Variants in ALPK2 observed in about 807,000 individuals in gnomAD.
ALPK2 encodes alpha-protein kinase 2.
In ALPK2, 127 loss-of-function variants were observed where a neutral mutation model predicts 163.1. That is an observed-to-expected ratio of 0.78 (90% CI 0.67 to 0.90). The LOEUF is 0.90. Ranked by LOEUF, ALPK2 falls within the 40% of genes least tolerant of loss-of-function variation. ALPK2 has a pLI of 0.00. For synonymous variants in ALPK2, 953 were observed against 959.1 expected, an observed-to-expected ratio of 0.99 and a Z score of 0.12; for missense variants, 2,360 against 2,589.6, an observed-to-expected ratio of 0.91 and a Z score of 1.92.
At position 58,536,068 on chromosome 18, in the gene ALPK2, A is replaced by G; in HGVS notation, c.4119T>C (p.Ser1373=). The G allele has an allele frequency of 3.1e-6, 5 of 1,614,036 alleles. No homozygotes were observed. The highest frequency in any genetic ancestry group is 4.2e-6 in the Non-Finnish European group (5 of 1,180,004). ...TGAGTTGTTTTTCCTCCTGGTCTTGACTCACATTGTTAACATTTTCCTTCC... is the reference window on the plus strand; with the variant it reads ...TGAGTTGTTTTTCCTCCTGGTCTTGGCTCACATTGTTAACATTTTCCTTCC... ...TGGKENVNNV[S]QDQEEKQLKM... is the part of the protein sequence containing the mutation. Residue 1373 remains serine (S), a synonymous_variant, in exon 5 of 13, where the codon AGT becomes AGC. Transcript: ENST00000361673.
intron 4 of ALPK2, among the ~76,000 whole-genome samples, chr18:58,564,225 C>T (rs549652705): frequency 2.8e-4 from 42 of 149,758 alleles, no homozygotes; most frequent in African/African-American, 9.9e-4. Context: ...CTGGTTCAAG[C>T]GATTCTCCTG....
Position 58,529,150 on chromosome 18 carries a change from A to G in ALPK2, c.5442T>C (p.His1814=), listed in dbSNP as rs370550387. The G allele has an allele frequency of 1.5e-5, 25 of 1,614,030 alleles. No individual in the cohort carries two copies. Among genetic ancestry groups the G allele is most frequent in the Non-Finnish European group, 2.0e-5 (24 of 1,179,976 alleles). ...VKLSCQFAEI[H]EDSTICWTKD... is the part of the protein sequence containing the mutation. ...TTGTCCAGCAGATAGTAGAATCTTC[A>G]TGAATTTCTGCAAATTGGCAGCTTA... Residue 1814 remains histidine (H), a synonymous_variant, in exon 6 of 13, where the codon CAT becomes CAC. Transcript: ENST00000361673.
chr18:58,498,201 TCTC>T (rs2051411027), intron 11 of ALPK2, 104 bp from the exon 12 acceptor site: 1 of 1,047,254 alleles, frequency 9.5e-7, no homozygotes, highest in African/African-American at 1.6e-5. Context: ...TCATCCTCCT[TCTC>T]CTTCCTGCAT....
rs547635276 is a variant in ALPK2, at chr18:58,599,074, C to G, written c.227+8248G>C. On this transcript the variant is annotated intron_variant, in intron 3 of 12. Coordinates refer to ENST00000361673, the MANE Select transcript of ALPK2 (RefSeq NM_052947.4). ...TGTCACCTGACTAGCATGATTTGCC[C>G]TGAGGAGTCTGCACCATGGTGGGAG... Among the ~76,000 whole-genome samples the G allele has an allele frequency of 3.3e-5, 5 of 152,278 alleles. No homozygotes were observed. The South Asian group carries it at 1.0e-3, about 32-fold the overall frequency.
At position 58,509,109 on chromosome 18, in the gene ALPK2, C is replaced by T. The variant is rs2051476369; in HGVS notation, c.6030-4961G>A. On this transcript the variant is annotated intron_variant, in intron 10 of 12. Coordinates refer to ENST00000361673, the MANE Select transcript of ALPK2 (RefSeq NM_052947.4). The stretch of plus-strand genomic sequence containing the variant: ...TCCATGTGTTCTCATTGTTCAATTC[C>T]CAACTATGAATGAGAACATGTGGTG... Among the ~76,000 whole-genome samples, 3 of 145,082 alleles carry T rather than the reference C, an allele frequency of 2.1e-5. No individual in the cohort carries two copies. In the South Asian group the frequency reaches 6.6e-4, roughly 32 times the overall value.
chr18:58,531,736 T>G (rs186264220), intron 5 of ALPK2, among the ~76,000 whole-genome samples: 5 of 149,724 alleles, frequency 3.3e-5, no homozygotes, highest in African/African-American at 9.8e-5. Flanking sequence ...TCAAGAGATC[T>G]AGACCATCCT....
intron 11 of ALPK2, among the ~76,000 whole-genome samples, chr18:58,501,891 CTT>C (rs1191458370): frequency 6.6e-6 from 1 of 152,096 alleles, no homozygotes; most frequent in African/African-American, 2.4e-5. Flanking sequence ...ATGTCAATCT[CTT>C]GGTTTTGATA....
chr18:58,529,129 C>T lies in ALPK2; in HGVS notation c.5463G>A (p.Trp1821Ter). The T allele has an allele frequency of 6.2e-7, 1 of 1,614,080 alleles. No individual in the cohort carries two copies. The highest frequency in any genetic ancestry group is 1.1e-5 in the South Asian group (1 of 91,084). Residue 1821 changes from tryptophan to a stop codon, truncating the protein, a stop_gained, in exon 6 of 13, where the codon TGG (tryptophan) becomes TGA (stop). Coordinates refer to ENST00000361673, the MANE Select transcript of ALPK2 (RefSeq NM_052947.4). LOFTEE classifies it high-confidence loss of function. ...GGGCTATGGACTTTGAATCTTTTGT[C>T]CAGCAGATAGTAGAATCTTCATGAA... ...AEIHEDSTIC[W>*]TKDSKSIAQV...
chr18:58,550,654 G>A (rs367833065), intron 4 of ALPK2, among the ~76,000 whole-genome samples: 39 of 87,572 alleles, frequency 4.5e-4, no homozygotes, highest in East Asian at 1.6e-3. Context: ...CCCCATCCCC[G>A]TCTCCATCAT....
intron 6 of ALPK2, among the ~76,000 whole-genome samples, chr18:58,524,493 C>T (rs1484311886): frequency 2.0e-5 from 3 of 152,198 alleles, no homozygotes; most frequent in African/African-American, 4.8e-5. Context: ...CATAAGGATT[C>T]GTGACTGAGG....
At position 58,535,975 on chromosome 18, in the gene ALPK2, A is replaced by G. The variant is rs1235862031; in HGVS notation, c.4212T>C (p.Asp1404=). ...CTATCACACTTATCTCATCAATGGG[A>G]TCTACAGAGGACTCTAGGATTTTAG... ...TCPKILESSV[D]PIDEISVIEY... Residue 1404 remains aspartate, a synonymous_variant, in exon 5 of 13, where the codon GAT becomes GAC. Transcript: ENST00000361673. The G allele has an allele frequency of 6.2e-7, 1 of 1,614,148 alleles. No homozygotes were observed. Among genetic ancestry groups the G allele is most frequent in the Admixed American group, 1.7e-5 (1 of 60,024 alleles).
chr18:58,554,802 A>C (rs1279492344), intron 4 of ALPK2, among the ~76,000 whole-genome samples: 2 of 152,114 alleles, frequency 1.3e-5, no homozygotes, highest in Non-Finnish European at 2.9e-5. Flanking sequence ...CTTATCTTGA[A>C]TTGTAGCTCC....
intron 8 of ALPK2, among the ~76,000 whole-genome samples, chr18:58,520,739 G>C (rs1396023356): frequency 1.3e-5 from 2 of 152,166 alleles, no homozygotes; most frequent in Non-Finnish European, 2.9e-5. Context: ...AGCTTTATTA[G>C]TTTTTTAAAT....
intron 4 of ALPK2, among the ~76,000 whole-genome samples, chr18:58,565,672 T>C (rs2051848068): frequency 1.3e-5 from 2 of 152,224 alleles, no homozygotes; most frequent in South Asian, 4.1e-4. Context: ...AGTGGTATTT[T>C]TGTTCTATAG....
intron 4 of ALPK2, among the ~76,000 whole-genome samples, chr18:58,553,002 T>C (rs138196157): frequency 1.4e-3 from 214 of 152,040 alleles, no homozygotes; most frequent in African/African-American, 4.8e-3. Flanking sequence ...AAGAGAAAAA[T>C]TTGAACACAG....
rs1351665261 is a variant in ALPK2 at position 58,537,287 on chromosome 18, C to G, written c.2900G>C (p.Ser967Thr). The G allele has an allele frequency of 2.5e-6, 4 of 1,614,102 alleles. No homozygotes were observed. Among genetic ancestry groups the G allele is most frequent in the Non-Finnish European group, 3.4e-6 (4 of 1,180,044 alleles). ...TGGTGTGGCTGTGGTGTCTGCGGCACTAGGACTGGGGCTCTTGTCACCTCC... is the reference window on the plus strand; with the variant it reads ...TGGTGTGGCTGTGGTGTCTGCGGCAGTAGGACTGGGGCTCTTGTCACCTCC... Reference protein sequence around the residue: ...KEGGDKSPSPSAADTTATPAS... With the variant: ...KEGGDKSPSPTAADTTATPAS... Residue 967 changes from serine (S) to threonine (T), a missense_variant, in exon 5 of 13, where the codon AGT becomes ACT. Transcript: ENST00000361673.
In ALPK2 at chr18:58,537,502, G is replaced by A; in HGVS notation, c.2685C>T (p.Thr895=). 1 of 1,612,416 alleles carries A rather than the reference G, an allele frequency of 6.2e-7. No individual in the cohort carries two copies. The highest frequency in any genetic ancestry group is 8.5e-7 in the Non-Finnish European group (1 of 1,178,756). The change falls in exon 5 of 13, where the codon ACC becomes ACT. Residue 895 remains threonine, a synonymous_variant. Coordinates refer to ENST00000361673, the MANE Select transcript of ALPK2 (RefSeq NM_052947.4). ...CACTAGCTGTGTGTGAAATGTTCAA[G>A]GTGAAAGTACTGGTAAAAAGAGGGG... The part of the protein sequence containing the change: ...VMSPLFTSTF[T]LNISHTASEG...
intron 10 of ALPK2, among the ~76,000 whole-genome samples, chr18:58,505,464 GCCATC>G (rs2051457234): frequency 6.6e-6 from 1 of 152,022 alleles, no homozygotes. Flanking sequence ...ACTACGATGA[GCCATC>G]CCTGCTCCAT....
chr18:58,495,985 G>A (rs745360463), intron 12 of ALPK2, among the ~76,000 whole-genome samples: 66 of 152,330 alleles, frequency 4.3e-4, no homozygotes, highest in Admixed American at 7.2e-4. Context: ...GGAAGGCTCC[G>A]TTTGGAAAAT....
Sources: gnomAD v4.1 joint callset for allele counts (sites outside exome capture counted in the v4.1 genomes callset) on GRCh38, gnomAD v4.1.1 for gene constraint, MANE v1.5 for transcripts, NCBI Gene and HGNC (gene_info 2026-07-23, HGNC 2026-07-21) for gene names.